The following PKN2 variants were observed in gnomAD, a reference collection of about 807,000 sequenced individuals.
The protein encoded by PKN2 is serine/threonine-protein kinase N2.
In PKN2, 38 loss-of-function variants were observed where a neutral mutation model predicts 119.1. The observed-to-expected ratio is 0.32, with a 90% confidence interval of 0.25 to 0.42. The LOEUF (loss-of-function observed/expected upper bound fraction) is 0.42, where lower values mean the gene tolerates loss of function less well. Among genes scored for constraint, PKN2 ranks in the 10% least tolerant of loss-of-function variants. PKN2 has a pLI of 1.00. For missense variants in PKN2, 850 were observed against 1,165.1 expected, an observed-to-expected ratio of 0.73 and a Z score of 3.94; for synonymous variants, 390 against 384.9, an observed-to-expected ratio of 1.01 and a Z score of -0.15.
At chr1:88,717,585 G>A (rs1329787215) in intron 1 of PKN2, among the ~76,000 whole-genome samples, 1 of 151,296 alleles carries the variant, frequency 6.6e-6, no homozygotes, top group South Asian at 2.1e-4. Flanking sequence ...TGATCGAATC[G>A]GCTACTGAAG....
At chr1:88,771,929 G>A (rs1213420754) in intron 6 of PKN2, 50 bp downstream of exon 6, 2 of 1,228,240 alleles carry the variant, frequency 1.6e-6, no homozygotes, top group East Asian at 2.4e-5. Context: ...GTCTATAACT[G>A]GTTCTGATTT....
intron 1 of PKN2, among the ~76,000 whole-genome samples, chr1:88,697,531 T>C (rs1400104329): frequency 6.6e-6 from 1 of 152,194 alleles, no homozygotes; most frequent in Non-Finnish European, 1.5e-5. Flanking sequence ...GATTATAATA[T>C]CTTGATATTT....
chr1:88,726,537 T>C (rs1667903668), intron 1 of PKN2, among the ~76,000 whole-genome samples: 1 of 152,188 alleles, frequency 6.6e-6, no homozygotes, highest in African/African-American at 2.4e-5. Flanking sequence ...CTGTGTTGTA[T>C]TGTATAATTC....
At chr1:88,786,596 A>C (rs1670587062) in intron 8 of PKN2, among the ~76,000 whole-genome samples, 1 of 152,162 alleles carries the variant, frequency 6.6e-6, no homozygotes, top group African/African-American at 2.4e-5. Context: ...TTGGTCACCC[A>C]GCCTTCTGTG....
intron 15 of PKN2, 41 bp downstream of exon 15, chr1:88,807,816 GTAAGT>G: frequency 8.3e-7 from 1 of 1,211,734 alleles, no homozygotes; most frequent in African/African-American, 1.5e-5. Context: ...TTCTGAATTT[GTAAGT>G]TAAGAGAAAT....
At chr1:88,726,763 GT>G (rs34135870) in intron 1 of PKN2, among the ~76,000 whole-genome samples, 6 of 150,498 alleles carry the variant, frequency 4.0e-5, no homozygotes, top group East Asian at 1.9e-4. Flanking sequence ...AGTTTTGGTG[GT>G]TTTTTTTTGA....
intron 8 of PKN2, among the ~76,000 whole-genome samples, chr1:88,802,791 T>C (rs1671373527): frequency 6.6e-6 from 1 of 152,212 alleles, no homozygotes; most frequent in South Asian, 2.1e-4. Flanking sequence ...AGTGTAAAAG[T>C]GTAATAAGAA....
chr1:88,748,153 A>G (rs1161038095), intron 2 of PKN2, among the ~76,000 whole-genome samples: 1 of 152,142 alleles, frequency 6.6e-6, no homozygotes, highest in African/African-American at 2.4e-5. Flanking sequence ...ATACCTTTCC[A>G]TGAATTTTAA....
intron 1 of PKN2, among the ~76,000 whole-genome samples, chr1:88,725,659 G>A (rs1216895990): frequency 6.6e-6 from 1 of 152,098 alleles, no homozygotes; most frequent in Non-Finnish European, 1.5e-5. Flanking sequence ...TATGTGATTT[G>A]CAAATATTTT....
chr1:88,764,953 C>A (rs1669599771), intron 3 of PKN2, among the ~76,000 whole-genome samples: 1 of 151,996 alleles, frequency 6.6e-6, no homozygotes, highest in South Asian at 2.1e-4. Context: ...GAGACAGAGT[C>A]TCGCTCTGTC....
chr1:88,739,180 T>C (rs74996399), intron 1 of PKN2, among the ~76,000 whole-genome samples: 2,950 of 152,176 alleles, frequency 0.019, 92 homozygotes, highest in African/African-American at 0.066. Flanking sequence ...AAGGAATTCT[T>C]AGCTAGAAAC....
intron 1 of PKN2, among the ~76,000 whole-genome samples, chr1:88,693,736 T>C (rs1029081482): frequency 6.6e-6 from 1 of 152,126 alleles, no homozygotes. Flanking sequence ...AGAAATGATA[T>C]TGAGCGAAAC....
intron 2 of PKN2, among the ~76,000 whole-genome samples, chr1:88,744,885 T>C (rs1668712446): frequency 6.6e-6 from 1 of 152,230 alleles, no homozygotes; most frequent in South Asian, 2.1e-4. Context: ...ATTTGTAAAA[T>C]AAATGTATTC....
intron 1 of PKN2, among the ~76,000 whole-genome samples, chr1:88,688,156 G>T (rs897469139): frequency 6.6e-6 from 1 of 151,660 alleles, no homozygotes; most frequent in African/African-American, 2.4e-5. Flanking sequence ...TGTGATCTCT[G>T]CTCACTGCAA....
At chr1:88,714,094 A>T (rs144538635) in intron 1 of PKN2, among the ~76,000 whole-genome samples, 78 of 152,158 alleles carry the variant, frequency 5.1e-4, no homozygotes, top group African/African-American at 1.8e-3. Flanking sequence ...ATGGTTGTAG[A>T]TGGGTGGTAT....
At chr1:88,721,991 A>C (rs1570531266) in intron 1 of PKN2, among the ~76,000 whole-genome samples, 1 of 152,242 alleles carries the variant, frequency 6.6e-6, no homozygotes, top group African/African-American at 2.4e-5. Context: ...CTCCATATAC[A>C]TGCAACAGAT....
chr1:88,763,325 C>T (rs749359707), intron 3 of PKN2, among the ~76,000 whole-genome samples: 4 of 152,220 alleles, frequency 2.6e-5, no homozygotes, highest in Admixed American at 6.5e-5. Context: ...CACATCCATC[C>T]GGCCACATGT....
intron 1 of PKN2, among the ~76,000 whole-genome samples, chr1:88,688,495 A>C (rs1666201288): frequency 6.6e-6 from 1 of 152,256 alleles, no homozygotes; most frequent in African/African-American, 2.4e-5. Context: ...GTAATTAACC[A>C]ACATTAACTT....
rs546381484 is a variant in PKN2 at position 88,795,618 on chromosome 1, T to G, written c.1282-8773T>G. On this transcript the variant is annotated intron_variant, in intron 8 of 21. Transcript: ENST00000370521. ...GATATACATACAATTATTTCTATTT[T>G]AGAGAGTACTGAGGTTCCAGGAGTT... 1.2e-4 allele frequency among the ~76,000 whole-genome samples: 18 copies of G among 152,318 alleles called. No homozygotes were observed. In the East Asian group the frequency reaches 3.5e-3, roughly 29 times the overall value.
Sources: gnomAD v4.1 joint callset for allele counts (sites outside exome capture counted in the v4.1 genomes callset) on GRCh38, gnomAD v4.1.1 for gene constraint, MANE v1.5 for transcripts, NCBI Gene and HGNC (gene_info 2026-07-23, HGNC 2026-07-21) for gene names.